The following CDKN1A variants were observed in gnomAD, a reference collection of about 807,000 sequenced individuals.
CDKN1A encodes cyclin dependent kinase inhibitor 1A, also known as cyclin-dependent kinase inhibitor 1.
In CDKN1A, 14 loss-of-function variants were observed where a neutral mutation model predicts 14.8. The ratio of observed to expected loss-of-function variants is 0.94; its 90% confidence interval spans 0.62 to 1.48. The LOEUF is 1.48. Among genes scored for constraint, CDKN1A ranks in the 40% most tolerant of loss-of-function variants. CDKN1A has a pLI of 0.00. For synonymous variants in CDKN1A, 92 were observed against 93.5 expected, an observed-to-expected ratio of 0.98 and a Z score of 0.09; for missense variants, 203 against 231.7, an observed-to-expected ratio of 0.88 and a Z score of 0.80.
chr6:36,684,212 A>G lies in CDKN1A; in HGVS notation c.111A>G (p.Leu37=). The change falls in exon 2 of 3, where the codon CTA becomes CTG. Residue 37 remains leucine, a synonymous_variant. Coordinates refer to ENST00000244741, the MANE Select transcript of CDKN1A (RefSeq NM_000389.5). The surrounding 1 kb of genome is among the most constrained non-coding windows in gnomAD (Gnocchi z 6.0). ...AGCTGAGCCGCGACTGTGATGCGCT[A>G]ATGGCGGGCTGCATCCAGGAGGCCC... ...SEQLSRDCDA[L]MAGCIQEARE... The G allele has an allele frequency of 1.2e-6, 2 of 1,611,766 alleles. No individual in the cohort carries two copies. The highest frequency in any genetic ancestry group is 1.7e-6 in the Non-Finnish European group (2 of 1,179,926).
rs1477458254 is a variant in CDKN1A, at chr6:36,684,196, G to T, written c.95G>T (p.Arg32Leu). The T allele has an allele frequency of 5.6e-6, 9 of 1,611,894 alleles. No homozygotes were observed. Among genetic ancestry groups the T allele is most frequent in the Non-Finnish European group, 6.8e-6 (8 of 1,179,984 alleles). ...CCAGTGGACAGCGAGCAGCTGAGCC[G>T]CGACTGTGATGCGCTAATGGCGGGC... ...FGPVDSEQLS[R>L]DCDALMAGCI... Residue 32 changes from arginine to leucine, a missense_variant, in exon 2 of 3, where the codon CGC (arginine) becomes CTC (leucine). Physicochemically the swap from Arg to Leu is moderately radical, Grantham distance 102. Transcript: ENST00000244741. This position sits in a 1 kb window ranked among gnomAD's most constrained non-coding sequence, Gnocchi z 6.0.
At position 36,686,888 on chromosome 6, in the gene CDKN1A, A is replaced by C. The variant is rs1258434302; in HGVS notation, c.*1088A>C. 2 of 233,720 alleles carry C rather than the reference A, an allele frequency of 8.6e-6. No homozygotes were observed. The highest frequency in any genetic ancestry group is 1.2e-4 in the East Asian group (2 of 16,590). The allele number at this position is 233,720 out of a possible 1,614,324, so 14.5% of individuals were successfully genotyped here. ...GAGTAGATCTTTCTAGGAGGGAGAC[A>C]CTGGCCCCTCAAATCGTCCAGCGAC... On this transcript the variant is annotated 3_prime_UTR_variant, in exon 3 of 3. Coordinates refer to ENST00000244741, the MANE Select transcript of CDKN1A (RefSeq NM_000389.5). This position sits in a 1 kb window ranked among gnomAD's most constrained non-coding sequence, Gnocchi z 4.9.
In CDKN1A at chr6:36,681,227, C is replaced by T. The variant is rs1408199106; in HGVS notation, c.-6+2429C>T. On this transcript the variant is annotated intron_variant, in intron 1 of 2. Transcript: ENST00000244741. ...TTAAGTTGGTCTCGGGAGGCAGGGC[C>T]TCAGCAATCTATATTTTGAAAAAAC... 5.3e-5 allele frequency among the ~76,000 whole-genome samples: 8 copies of T among 150,918 alleles called. No individual in the cohort carries two copies. In the East Asian group the frequency reaches 1.6e-3, roughly 29 times the overall value.
intron 1 of CDKN1A, among the ~76,000 whole-genome samples, chr6:36,681,264 T>TTTGCTTTCTTTC (rs1761933554): frequency 1.2e-5 from 1 of 81,800 alleles, no homozygotes; most frequent in African/African-American, 4.6e-5. Flanking sequence ...CCCTAGGTGC[T>TTTGCTTTCTTTC]TTTCTTTCTT....
intron 1 of CDKN1A, among the ~76,000 whole-genome samples, chr6:36,681,264 T>TTTTCTTTCTCTCTTTCTTTCCTTCTTTC (rs1554185328): frequency 3.9e-4 from 32 of 81,874 alleles, no homozygotes; most frequent in East Asian, 1.1e-3. Flanking sequence ...CCCTAGGTGC[T>TTTTCTTTCTCTCTTTCTTTCCTTCTTTC]TTTCTTTCTT....
upstream of CDKN1A, chr6:36,678,058 C>G: frequency 2.4e-6 from 1 of 417,088 alleles, no homozygotes; most frequent in South Asian, 1.9e-5. This position sits in a 1 kb window ranked among gnomAD's most constrained non-coding sequence, Gnocchi z 5.7. Context: ...CAATCAACAA[C>G]TTTGTATACT....
intron 1 of CDKN1A, among the ~76,000 whole-genome samples, chr6:36,681,407 TCCTTTCTCTTTC>T (rs1300564797): frequency 4.1e-5 from 2 of 49,108 alleles, no homozygotes; most frequent in Non-Finnish European, 7.4e-5. Flanking sequence ...CTTTCTTTCT[TCCTTTCTCTTTC>T]TCTCTTTCTT....
chr6:36,677,755 A>G (rs1761740804), upstream of CDKN1A: 3 of 640,358 alleles, frequency 4.7e-6, no homozygotes, highest in African/African-American at 1.8e-5. Context: ...TGTTCCAACT[A>G]TAGTCATTTC....
At chr6:36,676,691 G>A (rs1761702196), upstream of CDKN1A, 2 of 152,214 alleles carry the variant, frequency 1.3e-5, no homozygotes, top group Admixed American at 6.5e-5. Flanking sequence ...GATTCTGTGT[G>A]TGACTTTTAA....
Position 36,684,643 on chromosome 6 carries a change from C to CTT in CDKN1A, c.445+97_445+98insTT, listed in dbSNP as rs1246088056. Reference sequence around the variant, plus strand: ...TGTCTGGTCCTGGTCCAGCATGCTCCAGGTAGAAGGAAACAGGCCCAGAGA... The same window carrying CTT: ...TGTCTGGTCCTGGTCCAGCATGCTCCTTAGGTAGAAGGAAACAGGCCCAGAGA... On this transcript the variant is annotated intron_variant, in intron 2 of 2. Transcript: ENST00000244741. The surrounding 1 kb of genome is among the most constrained non-coding windows in gnomAD (Gnocchi z 6.0). The CTT allele has an allele frequency of 7.2e-6, 9 of 1,253,246 alleles. No homozygotes were observed. Among genetic ancestry groups the CTT allele is most frequent in the East Asian group, 4.9e-5 (2 of 41,174 alleles). The allele number at this position is 1,253,246 out of a possible 1,614,324, so 77.6% of individuals were successfully genotyped here.
chr6:36,676,884 C>A (rs1006001915), upstream of CDKN1A, among the ~76,000 whole-genome samples: 3 of 152,030 alleles, frequency 2.0e-5, no homozygotes, highest in African/African-American at 4.8e-5. Flanking sequence ...AAAAAAAATT[C>A]TTTCCCAAAA....
intron 1 of CDKN1A, among the ~76,000 whole-genome samples, chr6:36,680,147 C>T (rs1231123406): frequency 6.6e-6 from 1 of 152,174 alleles, no homozygotes; most frequent in Non-Finnish European, 1.5e-5. Flanking sequence ...TCCTTGCCTC[C>T]CTCCACGTCG....
At chr6:36,677,945 G>A (rs1362077569), upstream of CDKN1A, 9 of 1,276,888 alleles carry the variant, frequency 7.0e-6, no homozygotes, top group African/African-American at 1.5e-5. Flanking sequence ...TGAGTGTAGG[G>A]TGTAGGGAGA....
intron 1 of CDKN1A, among the ~76,000 whole-genome samples, chr6:36,681,310 T>TTCTTTCTTTCTTTCTTTA (rs1562038107): frequency 8.0e-6 from 1 of 125,396 alleles, no homozygotes; most frequent in Non-Finnish European, 1.7e-5. Flanking sequence ...CTTTCTTTCT[T>TTCTTTCTTTCTTTCTTTA]TCTTTCTTTC....
In CDKN1A at chr6:36,684,872, G is replaced by C. The variant is rs1762148354; in HGVS notation, c.445+326G>C. 6.6e-6 allele frequency among the ~76,000 whole-genome samples: 1 copy of C among 152,126 alleles called. No homozygotes were observed. The highest frequency in any genetic ancestry group is 6.6e-5 in the Admixed American group (1 of 15,266). ...TGAGACAGGTGTCTTAACTCTGTTGGCCAGACTGGAGTGCAGTGATACGAT... is the reference window on the plus strand; with the variant it reads ...TGAGACAGGTGTCTTAACTCTGTTGCCCAGACTGGAGTGCAGTGATACGAT... On this transcript the variant is annotated intron_variant, in intron 2 of 2. Transcript: ENST00000244741. The surrounding 1 kb of genome is among the most constrained non-coding windows in gnomAD (Gnocchi z 6.0).
At chr6:36,683,072 G>A (rs1326816218) in intron 1 of CDKN1A, among the ~76,000 whole-genome samples, 1 of 152,216 alleles carries the variant, frequency 6.6e-6, no homozygotes, top group Non-Finnish European at 1.5e-5. Context: ...GTTGGCAGGG[G>A]GAAGTGATAG....
intron 1 of CDKN1A, among the ~76,000 whole-genome samples, chr6:36,679,924 A>G (rs995180831): frequency 6.6e-6 from 1 of 152,106 alleles, no homozygotes; most frequent in African/African-American, 2.4e-5. Flanking sequence ...TCGGGGGCTC[A>G]GGGCTTCCCG....
chr6:36,680,153 C>T (rs1248470274), intron 1 of CDKN1A, among the ~76,000 whole-genome samples: 1 of 152,170 alleles, frequency 6.6e-6, no homozygotes, highest in East Asian at 1.9e-4. Flanking sequence ...CCTCCCTCCA[C>T]GTCGCGTTTC....
At chr6:36,682,519 T>C (rs954766471) in intron 1 of CDKN1A, 7 of 152,236 alleles carry the variant, frequency 4.6e-5, no homozygotes, top group African/African-American at 1.7e-4. Flanking sequence ...CCCAACCAGC[T>C]GGGACGTGAA....
Sources: allele counts gnomAD v4.1 joint callset (sites outside exome capture counted in the v4.1 genomes callset), GRCh38; gene constraint gnomAD v4.1.1; non-coding constraint Gnocchi (gnomAD v3.1); transcripts MANE v1.5; gene names NCBI Gene and HGNC (gene_info 2026-07-23, HGNC 2026-07-21).